MCF2L2: variants seen among roughly 807,000 people sequenced by gnomAD.
The protein encoded by MCF2L2 is MCF.2 cell line derived transforming sequence-like 2.
Under a neutral mutation model 150.2 loss-of-function variants are expected in MCF2L2, and 102 were observed. The observed-to-expected ratio is 0.68, with a 90% CI of 0.58 to 0.80. The LOEUF is 0.80. MCF2L2 is among the 30% of genes least tolerant of loss of function. The pLI, the probability that MCF2L2 is intolerant of heterozygous loss-of-function variation, is 0.00. For missense variants in MCF2L2, 1,256 were observed against 1,372.8 expected (o/e 0.91, Z 1.34); for synonymous variants, 465 against 491.3 (o/e 0.95, Z 0.71).
chr3:183,390,556 T>C (rs1012942865), intron 1 of MCF2L2, among the ~76,000 whole-genome samples: 3 of 152,198 alleles, frequency 2.0e-5, no homozygotes, highest in African/African-American at 7.2e-5. Flanking sequence ...CAACCTAGGC[T>C]GAAGAGAGGA....
chr3:183,286,324 T>C (rs1727789820), intron 14 of MCF2L2, among the ~76,000 whole-genome samples: 1 of 152,176 alleles, frequency 6.6e-6, no homozygotes, highest in Non-Finnish European at 1.5e-5. Flanking sequence ...TTCACTCTAC[T>C]AGACTGGCTG....
intron 5 of MCF2L2, among the ~76,000 whole-genome samples, chr3:183,329,855 T>C (rs1450584332): frequency 6.6e-6 from 1 of 152,202 alleles, no homozygotes; most frequent in African/African-American, 2.4e-5. Flanking sequence ...GTGCCTAGGC[T>C]ACAAGCCTGT....
At chr3:183,344,884 A>AAT (rs1361316797) in intron 3 of MCF2L2, among the ~76,000 whole-genome samples, 1 of 152,190 alleles carries the variant, frequency 6.6e-6, no homozygotes, top group Middle Eastern at 3.2e-3. Flanking sequence ...AAGTATCCTA[A>AAT]ATATATATGC....
Position 183,216,145 on chromosome 3 carries a change from G to A in MCF2L2, c.2371-51C>T, listed in dbSNP as rs572794832. 51 of 1,597,366 alleles carry A rather than the reference G, an allele frequency of 3.2e-5. 1 individual carries two copies. In the South Asian group the frequency reaches 5.7e-4, roughly 18 times the overall value. ...AAATCAAAAGTATACCATCTGCAAAGTGAAGAAGGAAAACAGGACAGAGAT... is the reference window on the plus strand; with the variant it reads ...AAATCAAAAGTATACCATCTGCAAAATGAAGAAGGAAAACAGGACAGAGAT... On this transcript the variant is annotated intron_variant, in intron 21 of 29. Transcript: ENST00000328913.
At chr3:183,280,051 CA>C (rs1340991247) in intron 14 of MCF2L2, among the ~76,000 whole-genome samples, 2 of 151,498 alleles carry the variant, frequency 1.3e-5, no homozygotes, top group Non-Finnish European at 2.9e-5. Flanking sequence ...GAGGGGGTGG[CA>C]ATGAGACAGG....
At chr3:183,397,109 A>G (rs1452267694) in intron 1 of MCF2L2, among the ~76,000 whole-genome samples, 1 of 152,266 alleles carries the variant, frequency 6.6e-6, no homozygotes, top group African/African-American at 2.4e-5. Flanking sequence ...CTGAAAACAG[A>G]CAATTCATAG....
intron 2 of MCF2L2, among the ~76,000 whole-genome samples, chr3:183,389,183 C>A (rs1337030833): frequency 6.6e-6 from 1 of 152,140 alleles, no homozygotes; most frequent in Non-Finnish European, 1.5e-5. Flanking sequence ...TGTGTCTAGG[C>A]TCAAAAAATG....
At chr3:183,393,074 C>A (rs965437774) in intron 1 of MCF2L2, among the ~76,000 whole-genome samples, 2 of 152,180 alleles carry the variant, frequency 1.3e-5, no homozygotes, top group Admixed American at 1.3e-4. Flanking sequence ...TGAGCAGAAC[C>A]ATGACCCACC....
At chr3:183,212,883 C>A (rs1347892390) in intron 22 of MCF2L2, among the ~76,000 whole-genome samples, 2 of 141,072 alleles carry the variant, frequency 1.4e-5, no homozygotes, top group Non-Finnish European at 3.0e-5. Context: ...AGGCACAGTG[C>A]TTGGTGCCTT....
chr3:183,189,687 A>T (rs545048725), intron 27 of MCF2L2, among the ~76,000 whole-genome samples: 1 of 152,310 alleles, frequency 6.6e-6, no homozygotes, highest in East Asian at 1.9e-4. Context: ...CCTGAGGGAG[A>T]CACTTCCACT....
intron 15 of MCF2L2, among the ~76,000 whole-genome samples, chr3:183,273,616 A>AAAC (rs1726974665): frequency 6.6e-6 from 1 of 152,216 alleles, no homozygotes. Context: ...TCGGTTAACG[A>AAAC]TGGATCACAT....
chr3:183,379,436 AT>A (rs1367940018), intron 2 of MCF2L2, 25 bp from the exon 3 acceptor site: 10 of 1,546,024 alleles, frequency 6.5e-6, no homozygotes, highest in Non-Finnish European at 7.1e-6. Context: ...GGTGGTCAAA[AT>A]GTTAGCAAAA....
At chr3:183,206,362 C>G in intron 23 of MCF2L2, 148 bp from the exon 24 acceptor site, 4 of 635,924 alleles carry the variant, frequency 6.3e-6, no homozygotes, top group Non-Finnish European at 5.6e-6. Flanking sequence ...TTAATGACTC[C>G]AAGACAGCAT....
chr3:183,328,262 TAAGTA>T (rs1050675443), intron 5 of MCF2L2, among the ~76,000 whole-genome samples: 4 of 152,142 alleles, frequency 2.6e-5, no homozygotes, highest in African/African-American at 9.7e-5. Context: ...CCAGTAAACA[TAAGTA>T]AAGTGTTTCC....
At chr3:183,368,144 A>T (rs1275017565) in intron 3 of MCF2L2, among the ~76,000 whole-genome samples, 2 of 152,240 alleles carry the variant, frequency 1.3e-5, no homozygotes, top group African/African-American at 4.8e-5. Flanking sequence ...TCCCCAGACC[A>T]GCAGCATCAG....
At chr3:183,344,641 A>G (rs778015392) in intron 3 of MCF2L2, among the ~76,000 whole-genome samples, 93 of 152,370 alleles carry the variant, frequency 6.1e-4, no homozygotes, top group Non-Finnish European at 1.2e-3. Flanking sequence ...CAAATTGGAT[A>G]AAGAGCCAAG....
intron 27 of MCF2L2, 59 bp from the exon 28 acceptor site, chr3:183,180,218 C>A: frequency 9.0e-7 from 1 of 1,110,016 alleles, no homozygotes; most frequent in Non-Finnish European, 1.4e-6. Flanking sequence ...TCCCCTCTGC[C>A]CATGGCAGGG....
chr3:183,383,211 T>A (rs927374012), intron 2 of MCF2L2, among the ~76,000 whole-genome samples: 3 of 118,626 alleles, frequency 2.5e-5, no homozygotes, highest in Admixed American at 2.4e-4. Context: ...AGAATTTTTA[T>A]ATTTATTTAT....
At position 183,178,910 on chromosome 3, in the gene MCF2L2, C is replaced by G. The variant is rs1721407831; in HGVS notation, c.*470G>C. On this transcript the variant is annotated 3_prime_UTR_variant, in exon 30 of 30. Coordinates refer to ENST00000328913, the MANE Select transcript of MCF2L2 (RefSeq NM_015078.4). ...CTCCTCCAAGGCTCGGGCTAAGCGGCTCTCAACCGATTCCCACCCCGCCCT... is the reference window on the plus strand; with the variant it reads ...CTCCTCCAAGGCTCGGGCTAAGCGGGTCTCAACCGATTCCCACCCCGCCCT... 2 of 153,096 alleles carry G rather than the reference C, an allele frequency of 1.3e-5. No individual in the cohort carries two copies. Among genetic ancestry groups the G allele is most frequent in the South Asian group, 4.1e-4 (2 of 4,844 alleles). 9.5% of individuals were successfully genotyped at this position (153,096 alleles called of 1,614,324 possible).
Sources: gnomAD v4.1 joint callset for allele counts (sites outside exome capture counted in the v4.1 genomes callset) on GRCh38, gnomAD v4.1.1 for gene constraint, MANE v1.5 for transcripts, NCBI Gene and HGNC (gene_info 2026-07-23, HGNC 2026-07-21) for gene names.